Variants in SEPTIN9 observed in about 807,000 individuals in gnomAD.
SEPTIN9 encodes the protein septin 9.
In SEPTIN9, 13 loss-of-function variants were observed where a neutral mutation model predicts 56.6. The ratio of observed to expected loss-of-function variants is 0.23; its 90% CI spans 0.15 to 0.37. The LOEUF (loss-of-function observed/expected upper bound fraction) is 0.37, where lower values mean the gene tolerates loss of function less well. SEPTIN9 is among the 10% of genes least tolerant of loss of function. SEPTIN9 has a pLI of 1.00. For missense variants in SEPTIN9, 650 were observed against 823.1 expected (o/e 0.79, Z 2.57); for synonymous variants, 332 against 334.1 (o/e 0.99, Z 0.07).
At chr17:77,283,425 G>A (rs1237759105) in intron 1 of SEPTIN9, among the ~76,000 whole-genome samples, 1 of 151,988 alleles carries the variant, frequency 6.6e-6, no homozygotes, top group Non-Finnish European at 1.5e-5. Flanking sequence ...GATGGTGGGG[G>A]TGGCCTCTTG....
chr17:77,428,644 A>G (rs141957457), intron 3 of SEPTIN9, among the ~76,000 whole-genome samples: 3,677 of 152,270 alleles, frequency 0.024, 60 homozygotes, highest in Middle Eastern at 0.068. Flanking sequence ...AGGTTAGGGC[A>G]CTAACCCTGG....
chr17:77,328,652 C>CA (rs2033236625), intron 2 of SEPTIN9, among the ~76,000 whole-genome samples: 1 of 152,222 alleles, frequency 6.6e-6, no homozygotes, highest in African/African-American at 2.4e-5. Flanking sequence ...AGGCATGAGC[C>CA]ACCGTGCCTG....
chr17:77,314,236 G>A (rs1424951262), intron 2 of SEPTIN9, among the ~76,000 whole-genome samples: 1 of 151,558 alleles, frequency 6.6e-6, no homozygotes, highest in East Asian at 1.9e-4. Flanking sequence ...GAGTGCAGTG[G>A]CATGATCTTG....
At position 77,436,642 on chromosome 17, in the gene SEPTIN9, C is replaced by T. The variant is rs2037347818; in HGVS notation, c.721+33939C>T. Among the ~76,000 whole-genome samples the T allele has an allele frequency of 6.6e-6, 1 of 152,240 alleles. No individual in the cohort carries two copies. Among genetic ancestry groups the T allele is most frequent in the South Asian group, 2.1e-4 (1 of 4,828 alleles). ...CCCGCTGGAGGGAGTGACCTGGCCC[C>T]TGGCCCCGGCCACCTACACCTCCTG... On this transcript the variant is annotated intron_variant, in intron 3 of 11. Transcript: ENST00000427177. This position sits in a 1 kb window ranked among gnomAD's most constrained non-coding sequence, Gnocchi z 4.4.
intron 3 of SEPTIN9, chr17:77,481,865 C>T (rs1379981937): frequency 1.2e-5 from 6 of 510,374 alleles, no homozygotes; most frequent in Non-Finnish European, 3.5e-6. Flanking sequence ...CTTGGCACAG[C>T]TCCTAGAAGA....
intron 3 of SEPTIN9, among the ~76,000 whole-genome samples, chr17:77,427,927 G>T (rs751233391): frequency 6.6e-6 from 1 of 152,170 alleles, no homozygotes; most frequent in Non-Finnish European, 1.5e-5. Flanking sequence ...ATCCACTCGG[G>T]TCTGTTTAAC....
rs1311005067 is a variant in SEPTIN9 at position 77,437,641 on chromosome 17, C to T, written c.721+34938C>T. 1.3e-5 allele frequency among the ~76,000 whole-genome samples: 2 copies of T among 152,132 alleles called. No homozygotes were observed. The highest frequency in any genetic ancestry group is 2.9e-5 in the Non-Finnish European group (2 of 68,010). On this transcript the variant is annotated intron_variant, in intron 3 of 11. Coordinates refer to ENST00000427177, the MANE Select transcript of SEPTIN9 (RefSeq NM_001113491.2). This position sits in a 1 kb window ranked among gnomAD's most constrained non-coding sequence, Gnocchi z 5.3. ...CCTCAGAGGGGCCTGCCGTCACCATCGCCAGTGGCCCTGGCCTGCCCAGTC... is the reference window on the plus strand; with the variant it reads ...CCTCAGAGGGGCCTGCCGTCACCATTGCCAGTGGCCCTGGCCTGCCCAGTC...
Position 77,405,068 on chromosome 17 carries a change from C to T in SEPTIN9, c.721+2365C>T. The T allele has an allele frequency of 6.5e-7, 1 of 1,534,368 alleles. No homozygotes were observed. The highest frequency in any genetic ancestry group is 8.7e-7 in the Non-Finnish European group (1 of 1,146,242). On this transcript the variant is annotated intron_variant, in intron 3 of 11. Coordinates refer to ENST00000427177, the MANE Select transcript of SEPTIN9 (RefSeq NM_001113491.2). The surrounding 1 kb of genome is among the most constrained non-coding windows in gnomAD (Gnocchi z 5.8). ...AGGATGTGGCTGGGGAGGCGGTTGT[C>T]ACCGAGCCATCTAAATCTCGGTGAT...
chr17:77,365,637 G>C (rs747669012), intron 2 of SEPTIN9, among the ~76,000 whole-genome samples: 1 of 152,166 alleles, frequency 6.6e-6, no homozygotes, highest in Non-Finnish European at 1.5e-5. Flanking sequence ...TTCTGAGCGG[G>C]TGCAGAAGAG....
chr17:77,481,403 GC>G (rs750112784), intron 3 of SEPTIN9, among the ~76,000 whole-genome samples: 40 of 127,530 alleles, frequency 3.1e-4, no homozygotes, highest in African/African-American at 1.0e-3. Context: ...TGGTGCAGGG[GC>G]CCCCCTCCTC....
At chr17:77,403,059 C>T (rs1878514194) in intron 3 of SEPTIN9, among the ~76,000 whole-genome samples, 1 of 152,124 alleles carries the variant, frequency 6.6e-6, no homozygotes, top group Non-Finnish European at 1.5e-5. Flanking sequence ...CACGCAGGAA[C>T]CAGGGCAGGC....
intron 3 of SEPTIN9, among the ~76,000 whole-genome samples, chr17:77,408,450 C>T (rs994368601): frequency 1.3e-5 from 2 of 152,072 alleles, no homozygotes; most frequent in African/African-American, 4.8e-5. Flanking sequence ...GGTCAGGCCC[C>T]CCCGAGCTGA....
chr17:77,336,463 A>G (rs1280217189), intron 2 of SEPTIN9, among the ~76,000 whole-genome samples: 1 of 152,202 alleles, frequency 6.6e-6, no homozygotes, highest in Non-Finnish European at 1.5e-5. Flanking sequence ...CAAGAAAAAG[A>G]TCTTGCATGC....
rs796764546 is a variant in SEPTIN9 at position 77,299,796 on chromosome 17, G to A, written c.20-7345G>A. Among the ~76,000 whole-genome samples, 21 of 152,318 alleles carry A rather than the reference G, an allele frequency of 1.4e-4. 1 individual carries two copies. The highest frequency in any genetic ancestry group is 4.8e-4 in the African/African-American group (20 of 41,578). The stretch of plus-strand genomic sequence containing the variant: ...GCAGGCAGAGCAAGGCCCTGGGCAG[G>A]TATGAGCTGATCTCACCTTCCCCAG... On this transcript the variant is annotated intron_variant, in intron 1 of 11. Coordinates refer to ENST00000427177, the MANE Select transcript of SEPTIN9 (RefSeq NM_001113491.2).
chr17:77,498,883 GCAGGGGTGAGAGCACC>G lies in SEPTIN9; in HGVS notation c.*228_*243del, dbSNP rs1196262676. ...TGGGGAGGCTGCACTGGAGCCACAG[GCAGGGGTGAGAGCACC>G]CACTGAATTGACATGACCCTCTGTC... On this transcript the variant is annotated 3_prime_UTR_variant, in exon 12 of 12. Transcript: ENST00000427177. 2 of 600,144 alleles carry G rather than the reference GCAGGGGTGAGAGCACC, an allele frequency of 3.3e-6. No individual in the cohort carries two copies. The highest frequency in any genetic ancestry group is 4.3e-5 in the Admixed American group (2 of 46,722). 37.2% of individuals were successfully genotyped at this position (600,144 alleles called of 1,614,324 possible). A position where few individuals can be genotyped will look rare whatever the true frequency, so the allele number is the denominator to read the frequency against.
intron 2 of SEPTIN9, among the ~76,000 whole-genome samples, chr17:77,344,506 A>T (rs776010366): frequency 4.9e-4 from 74 of 152,338 alleles, no homozygotes; most frequent in Non-Finnish European, 8.7e-4. Flanking sequence ...CCACTTCTAG[A>T]TGTATACTCC....
intron 7 of SEPTIN9, among the ~76,000 whole-genome samples, chr17:77,489,607 G>A (rs892385405): frequency 1.1e-4 from 17 of 152,292 alleles, no homozygotes; most frequent in African/African-American, 3.4e-4. Context: ...AAGGTCCTTC[G>A]CACCTGCTGT....
chr17:77,427,367 C>T (rs1303948045), intron 3 of SEPTIN9, among the ~76,000 whole-genome samples: 1 of 152,182 alleles, frequency 6.6e-6, no homozygotes, highest in African/African-American at 2.4e-5. Context: ...CTCTCTGAGG[C>T]TTTGGGAAGC....
At chr17:77,486,963 C>T (rs775590063) in intron 4 of SEPTIN9, among the ~76,000 whole-genome samples, 2 of 152,196 alleles carry the variant, frequency 1.3e-5, no homozygotes, top group Non-Finnish European at 2.9e-5. Flanking sequence ...CCTGGCCGGT[C>T]AGGGAGGAGC....
Sources: gnomAD v4.1 joint callset for allele counts (sites outside exome capture counted in the v4.1 genomes callset) on GRCh38, gnomAD v4.1.1 for gene constraint, Gnocchi (gnomAD v3.1) non-coding constraint, MANE v1.5 for transcripts, NCBI Gene and HGNC (gene_info 2026-07-23, HGNC 2026-07-21) for gene names.